The following SYT17 variants were observed in gnomAD, a reference collection of about 807,000 sequenced individuals.
SYT17 encodes synaptotagmin-17.
In SYT17, 22 loss-of-function variants were observed where a neutral mutation model predicts 46.7. The ratio of observed to expected loss-of-function variants is 0.47; its 90% CI spans 0.34 to 0.67. SYT17 has a LOEUF of 0.67. Ranked by LOEUF, SYT17 falls within the 30% of genes least tolerant of loss-of-function variation. The pLI is 0.01. For missense variants in SYT17, 519 were observed against 612.8 expected (o/e 0.85, Z 1.62); for synonymous variants, 251 against 248.4 (o/e 1.01, Z -0.10).
intron 5 of SYT17, among the ~76,000 whole-genome samples, chr16:19,214,832 C>T (rs1255046182): frequency 6.6e-6 from 1 of 151,932 alleles, no homozygotes; most frequent in African/African-American, 2.4e-5. Flanking sequence ...CTCTGTTGCC[C>T]AGGCTGGTGT....
chr16:19,219,444 A>AT (rs1222337712), intron 5 of SYT17, among the ~76,000 whole-genome samples: 4 of 121,942 alleles, frequency 3.3e-5, no homozygotes, highest in Non-Finnish European at 7.6e-5. Flanking sequence ...AAAAAAAAAA[A>AT]AATAATAATA....
chr16:19,211,527 A>C, intron 5 of SYT17: 1 of 701,002 alleles, frequency 1.4e-6, no homozygotes, highest in Non-Finnish European at 2.6e-6. Context: ...GGTGTTTTCA[A>C]CTGAGTGTTA....
At chr16:19,258,449 T>C (rs779573679) in intron 7 of SYT17, among the ~76,000 whole-genome samples, 184 of 152,140 alleles carry the variant, frequency 1.2e-3, no homozygotes, top group Non-Finnish European at 2.1e-3. Context: ...GAGACCAGCC[T>C]GGCCAACATG....
intron 3 of SYT17, among the ~76,000 whole-genome samples, chr16:19,175,645 C>CAAAAA (rs34788366): frequency 1.5e-5 from 1 of 67,766 alleles, no homozygotes; most frequent in African/African-American, 5.2e-5. Flanking sequence ...AGCAAGACTT[C>CAAAAA]AAAAAAAAAA....
intron 5 of SYT17, among the ~76,000 whole-genome samples, chr16:19,222,722 T>G (rs1163577745): frequency 6.6e-6 from 1 of 152,228 alleles, no homozygotes; most frequent in African/African-American, 2.4e-5. Flanking sequence ...GAGTTAATAC[T>G]AATACCTCAC....
At chr16:19,190,884 C>T (rs948331456) in intron 5 of SYT17, among the ~76,000 whole-genome samples, 3 of 151,510 alleles carry the variant, frequency 2.0e-5, no homozygotes, top group South Asian at 2.1e-4. Context: ...GTGCCTCCAC[C>T]GTTTGGCTAT....
chr16:19,176,898 C>T (rs1383881686), intron 3 of SYT17, among the ~76,000 whole-genome samples: 2 of 152,142 alleles, frequency 1.3e-5, no homozygotes, highest in Non-Finnish European at 2.9e-5. Context: ...GCCACAACTA[C>T]ATCTAGGAAG....
chr16:19,250,317 G>A (rs942801262), intron 7 of SYT17, among the ~76,000 whole-genome samples: 1 of 150,666 alleles, frequency 6.6e-6, no homozygotes, highest in African/African-American at 2.4e-5. Flanking sequence ...TCAATGTGGG[G>A]CAGACTCTCG....
intron 7 of SYT17, among the ~76,000 whole-genome samples, chr16:19,238,965 A>G (rs1377423407): frequency 2.0e-5 from 3 of 152,238 alleles, no homozygotes; most frequent in Non-Finnish European, 4.4e-5. Context: ...GCCAGTCAGC[A>G]GAATGCTTAA....
At chr16:19,261,809 T>C (rs1303431778) in intron 7 of SYT17, among the ~76,000 whole-genome samples, 1 of 152,230 alleles carries the variant, frequency 6.6e-6, no homozygotes, top group African/African-American at 2.4e-5. Context: ...TTCCATTTCA[T>C]ATAGATAAGT....
At chr16:19,215,695 A>G (rs929925432) in intron 5 of SYT17, among the ~76,000 whole-genome samples, 25 of 152,332 alleles carry the variant, frequency 1.6e-4, no homozygotes, top group African/African-American at 5.8e-4. Context: ...GGGATTACAG[A>G]CATGAGCTAC....
chr16:19,203,336 CAA>C (rs3038782), intron 5 of SYT17, among the ~76,000 whole-genome samples: 1 of 145,644 alleles, frequency 6.9e-6, no homozygotes. Context: ...ACTAACAATA[CAA>C]AAAAAAAAAA....
At chr16:19,254,019 G>A (rs564047640) in intron 7 of SYT17, among the ~76,000 whole-genome samples, 11 of 152,262 alleles carry the variant, frequency 7.2e-5, no homozygotes, top group African/African-American at 2.2e-4. Flanking sequence ...GTGAACCACC[G>A]CACCCAGTCC....
At position 19,168,613 on chromosome 16, in the gene SYT17, A is replaced by G. The variant is rs763598154; in HGVS notation, c.-34A>G. ...AGGGCAAAGTGGCCGTGGCGGCGCCATGCCCGGGCCGGAGTGAGTGCGCGC... is the reference window on the plus strand; with the variant it reads ...AGGGCAAAGTGGCCGTGGCGGCGCCGTGCCCGGGCCGGAGTGAGTGCGCGC... On this transcript the variant is annotated 5_prime_UTR_variant, in exon 1 of 8. The change abolishes an upstream ATG in the 5' untranslated region. Coordinates refer to ENST00000355377, the MANE Select transcript of SYT17 (RefSeq NM_016524.4). The surrounding 1 kb of genome is among the most constrained non-coding windows in gnomAD (Gnocchi z 6.9). 2 of 1,541,304 alleles carry G rather than the reference A, an allele frequency of 1.3e-6. No homozygotes were observed. The highest frequency in any genetic ancestry group is 1.2e-5 in the South Asian group (1 of 83,732).
chr16:19,195,587 G>A (rs1396072284), intron 5 of SYT17, among the ~76,000 whole-genome samples: 1 of 151,830 alleles, frequency 6.6e-6, no homozygotes, highest in Non-Finnish European at 1.5e-5. Context: ...ATGGTGGTGG[G>A]CGCCTCTAAT....
At chr16:19,234,917 C>T (rs574487468) in intron 7 of SYT17, among the ~76,000 whole-genome samples, 2 of 152,328 alleles carry the variant, frequency 1.3e-5, no homozygotes, top group South Asian at 4.1e-4. Context: ...ACCTGTTCAC[C>T]ATCATTCCAA....
chr16:19,237,429 C>A (rs910028779), intron 7 of SYT17, among the ~76,000 whole-genome samples: 2 of 152,090 alleles, frequency 1.3e-5, no homozygotes, highest in African/African-American at 4.8e-5. Context: ...TGGGGGAAAA[C>A]AGCTTTCCAT....
intron 7 of SYT17, among the ~76,000 whole-genome samples, chr16:19,234,221 G>A (rs1966805747): frequency 6.6e-6 from 1 of 152,092 alleles, no homozygotes; most frequent in Admixed American, 6.6e-5. Context: ...AGCTACTCAG[G>A]AGGCTGAGTT....
intron 7 of SYT17, among the ~76,000 whole-genome samples, chr16:19,241,365 G>A (rs552580761): frequency 6.6e-5 from 10 of 152,250 alleles, no homozygotes; most frequent in East Asian, 5.8e-4. Flanking sequence ...GCCTTCCTGC[G>A]CCCCCAAGAG....
Sources: gnomAD v4.1 joint callset for allele counts (sites outside exome capture counted in the v4.1 genomes callset) on GRCh38, gnomAD v4.1.1 for gene constraint, Gnocchi (gnomAD v3.1) non-coding constraint, MANE v1.5 for transcripts, NCBI Gene and HGNC (gene_info 2026-07-23, HGNC 2026-07-21) for gene names.